The following EFCAB11 variants were observed in gnomAD, a reference collection of about 807,000 sequenced individuals.
EFCAB11 encodes the protein EF-hand calcium-binding domain-containing protein 11.
Under a neutral mutation model 23.0 loss-of-function variants are expected in EFCAB11, and 14 were observed. The ratio of observed to expected loss-of-function variants is 0.61; its 90% confidence interval spans 0.40 to 0.95. The LOEUF is 0.95. Ranked by LOEUF, EFCAB11 falls within the 40% of genes least tolerant of loss-of-function variation. The pLI, the probability that EFCAB11 is intolerant of heterozygous loss-of-function variation, is 0.00. For missense variants in EFCAB11, 198 were observed against 195.8 expected (o/e 1.01, Z -0.07); for synonymous variants, 65 against 66.6 (o/e 0.98, Z 0.11).
chr14:89,847,585 C>G (rs1019555673), intron 5 of EFCAB11, among the ~76,000 whole-genome samples: 2 of 151,820 alleles, frequency 1.3e-5, no homozygotes, highest in African/African-American at 4.8e-5. Context: ...ACTAAAAATA[C>G]AAAATTAGCC....
intron 5 of EFCAB11, among the ~76,000 whole-genome samples, chr14:89,818,034 C>T (rs1886390046): frequency 6.6e-6 from 1 of 151,676 alleles, no homozygotes; most frequent in South Asian, 2.1e-4. Flanking sequence ...TAAAAAATTG[C>T]AGTTGGGGTA....
At chr14:89,899,738 G>A (rs962523147) in intron 5 of EFCAB11, among the ~76,000 whole-genome samples, 26 of 152,190 alleles carry the variant, frequency 1.7e-4, no homozygotes, top group African/African-American at 6.3e-4. Context: ...GATGAACTTT[G>A]TAAGTAATGA....
chr14:89,937,921 T>A (rs1255290839), intron 3 of EFCAB11: 4 of 152,110 alleles, frequency 2.6e-5, no homozygotes, highest in South Asian at 2.1e-4. Context: ...AAAGATTATT[T>A]TTTTTTACTT....
In EFCAB11 at chr14:89,876,552, T is replaced by C. The variant is rs73320724; in HGVS notation, c.410+54989A>G. ...CAGATAGTCCATTTGTAGAGAATTC[T>C]TGATGGGCTTCTGTGCAATGCAAGG... On this transcript the variant is annotated intron_variant, in intron 5 of 5. Transcript: ENST00000316738. Among the ~76,000 whole-genome samples, 851 of 152,346 alleles carry C rather than the reference T, an allele frequency of 5.6e-3. 14 individuals carry two copies. Among genetic ancestry groups the C allele is most frequent in the African/African-American group, 0.019 (781 of 41,572 alleles).
chr14:89,916,547 C>A lies in EFCAB11; in HGVS notation c.410+14994G>T, dbSNP rs189733529. 2.9e-3 allele frequency among the ~76,000 whole-genome samples: 449 copies of A among 152,254 alleles called. 4 individuals carry two copies. Among genetic ancestry groups the A allele is most frequent in the African/African-American group, 0.011 (441 of 41,548 alleles). On this transcript the variant is annotated intron_variant, in intron 5 of 5. Coordinates refer to ENST00000316738, the MANE Select transcript of EFCAB11 (RefSeq NM_145231.4). ...GTAAAGAAGACCATTTGAAATAGGC[C>A]CAGAAAAAAGTAAGGGCCAGCAGCT...
At chr14:89,821,140 C>T (rs1886503636) in intron 5 of EFCAB11, among the ~76,000 whole-genome samples, 1 of 152,042 alleles carries the variant, frequency 6.6e-6, no homozygotes, top group Non-Finnish European at 1.5e-5. Context: ...GGGATTACAC[C>T]TGTGAACCAC....
intron 5 of EFCAB11, among the ~76,000 whole-genome samples, chr14:89,911,007 C>A (rs749496089): frequency 1.3e-5 from 2 of 152,138 alleles, no homozygotes. Flanking sequence ...AACAAAGGTG[C>A]ACCTAGTACA....
intron 5 of EFCAB11, among the ~76,000 whole-genome samples, chr14:89,808,524 C>T (rs1315038233): frequency 6.6e-6 from 1 of 152,128 alleles, no homozygotes; most frequent in African/African-American, 2.4e-5. Flanking sequence ...TAAGATTTTA[C>T]ATCTCAGCCC....
At chr14:89,881,087 T>C (rs971496040) in intron 5 of EFCAB11, among the ~76,000 whole-genome samples, 5 of 152,138 alleles carry the variant, frequency 3.3e-5, no homozygotes, top group African/African-American at 1.2e-4. Context: ...TTACTCTGCA[T>C]TCTTATTACC....
At chr14:89,952,118 C>T (rs8013817) in intron 2 of EFCAB11, among the ~76,000 whole-genome samples, 23,203 of 152,128 alleles carry the variant, frequency 0.15, 3,934 homozygotes, top group African/African-American at 0.42. Context: ...TAAGTGTCAC[C>T]TGCATAATAA....
At chr14:89,841,153 C>G (rs2140127397) in intron 5 of EFCAB11, among the ~76,000 whole-genome samples, 1 of 152,290 alleles carries the variant, frequency 6.6e-6, no homozygotes, top group Non-Finnish European at 1.5e-5. Flanking sequence ...GTTAAACTAT[C>G]ATACATCCTC....
At chr14:89,840,370 C>T (rs1267150884) in intron 5 of EFCAB11, among the ~76,000 whole-genome samples, 1 of 152,126 alleles carries the variant, frequency 6.6e-6, no homozygotes, top group Non-Finnish European at 1.5e-5. Flanking sequence ...CATAATTAAC[C>T]TTAGAGAAAT....
intron 5 of EFCAB11, among the ~76,000 whole-genome samples, chr14:89,834,290 C>T (rs993671526): frequency 5.0e-5 from 7 of 141,132 alleles, no homozygotes; most frequent in East Asian, 2.2e-4. Flanking sequence ...GCAGGTGAAT[C>T]GCTTGAACCC....
chr14:89,878,229 T>C (rs1410964492), intron 5 of EFCAB11, among the ~76,000 whole-genome samples: 6 of 152,186 alleles, frequency 3.9e-5, no homozygotes, highest in Admixed American at 1.3e-4. Flanking sequence ...TAGTGTGGTA[T>C]GTGGGGTTTG....
intron 5 of EFCAB11, among the ~76,000 whole-genome samples, chr14:89,904,631 G>T (rs953095664): frequency 2.0e-5 from 3 of 152,122 alleles, no homozygotes; most frequent in African/African-American, 7.2e-5. Context: ...GTCCTCTCCA[G>T]CATCTGTTGT....
At chr14:89,945,281 T>C (rs1475539761) in intron 3 of EFCAB11, among the ~76,000 whole-genome samples, 1 of 152,126 alleles carries the variant, frequency 6.6e-6, no homozygotes, top group Non-Finnish European at 1.5e-5. Context: ...CTCTTTTTTG[T>C]AGTTAAAGGT....
chr14:89,897,834 T>C (rs1889215654), intron 5 of EFCAB11, among the ~76,000 whole-genome samples: 1 of 152,200 alleles, frequency 6.6e-6, no homozygotes, highest in Non-Finnish European at 1.5e-5. Context: ...ACCATAACAT[T>C]TAACTTATTT....
chr14:89,899,245 T>C (rs1004581030), intron 5 of EFCAB11, among the ~76,000 whole-genome samples: 2 of 152,232 alleles, frequency 1.3e-5, no homozygotes, highest in African/African-American at 2.4e-5. Flanking sequence ...AAGCATTTAA[T>C]TCTATAATGT....
At chr14:89,921,993 G>C (rs1890034622) in intron 5 of EFCAB11, among the ~76,000 whole-genome samples, 1 of 151,980 alleles carries the variant, frequency 6.6e-6, no homozygotes, top group African/African-American at 2.4e-5. Context: ...TTCTATAAAG[G>C]AAATGGCATG....
Sources: allele counts gnomAD v4.1 joint callset (sites outside exome capture counted in the v4.1 genomes callset), GRCh38; gene constraint gnomAD v4.1.1; transcripts MANE v1.5; gene names NCBI Gene and HGNC (gene_info 2026-07-23, HGNC 2026-07-21).